GALNT13: variants seen among roughly 807,000 people sequenced by gnomAD.
GALNT13 encodes the protein UDP-GalNAc:polypeptide N-acetylgalactosaminyltransferase 13.
GALNT13 carries 28 observed loss-of-function variants against 64.2 expected under a neutral mutation model. That is an observed-to-expected ratio of 0.44 (90% confidence interval 0.32 to 0.60). The LOEUF (loss-of-function observed/expected upper bound fraction) is 0.60. GALNT13 is among the 20% of genes least tolerant of loss of function. The pLI is 0.05. For missense variants in GALNT13, 577 were observed against 669.8 expected, an observed-to-expected ratio of 0.86 and a Z score of 1.53; for synonymous variants, 214 against 224.6, an observed-to-expected ratio of 0.95 and a Z score of 0.42.
At chr2:153,432,018 T>A in the GALNT13 span, among the ~76,000 whole-genome samples, 2 of 152,220 alleles carry the variant, frequency 1.3e-5, no homozygotes, top group African/African-American at 4.8e-5. Context: ...AACTACTTTT[T>A]CTTCTTGTAT....
At chr2:153,644,812 A>G in the GALNT13 span, among the ~76,000 whole-genome samples, 6 of 152,084 alleles carry the variant, frequency 3.9e-5, no homozygotes, top group South Asian at 6.2e-4. Context: ...GTCCGAGCCA[A>G]TGATAGGACC....
the GALNT13 span, among the ~76,000 whole-genome samples, chr2:153,170,318 T>A: frequency 1.3e-5 from 2 of 152,186 alleles, no homozygotes; most frequent in South Asian, 4.1e-4. Flanking sequence ...TTGTTTTTTT[T>A]AATAACAAAT....
At chr2:153,303,307 T>A in the GALNT13 span, among the ~76,000 whole-genome samples, 2 of 152,210 alleles carry the variant, frequency 1.3e-5, no homozygotes, top group African/African-American at 4.8e-5. Flanking sequence ...TTGGTGTAGC[T>A]ATTACAAATG....
chr2:154,014,831 CTG>C (rs1271613616), intron 3 of GALNT13, among the ~76,000 whole-genome samples: 1 of 151,576 alleles, frequency 6.6e-6, no homozygotes, highest in Non-Finnish European at 1.5e-5. Flanking sequence ...CGGGGTTTCA[CTG>C]TGTTAGCCAG....
intron 2 of GALNT13, among the ~76,000 whole-genome samples, chr2:153,927,753 T>G (rs1690248745): frequency 6.6e-6 from 1 of 152,094 alleles, no homozygotes; most frequent in African/African-American, 2.4e-5. Flanking sequence ...TTAACAACTT[T>G]ACCAGGAAGT....
intron 1 of GALNT13, among the ~76,000 whole-genome samples, chr2:153,893,924 C>T (rs980822565): frequency 2.6e-5 from 4 of 152,052 alleles, no homozygotes; most frequent in African/African-American, 4.8e-5. Context: ...GGCAGCATTT[C>T]TTCAGAAACT....
chr2:154,256,475 G>A (rs186511883), intron 7 of GALNT13, among the ~76,000 whole-genome samples: 1 of 152,170 alleles, frequency 6.6e-6, no homozygotes, highest in Non-Finnish European at 1.5e-5. Flanking sequence ...AAATAGGAGG[G>A]GTTAAAGAGT....
chr2:154,189,502 G>A (rs1306702636), intron 4 of GALNT13, among the ~76,000 whole-genome samples: 3 of 146,312 alleles, frequency 2.1e-5, no homozygotes, highest in South Asian at 2.2e-4. Context: ...AAAGGCGTGT[G>A]AGCATGCAGC....
intron 9 of GALNT13, among the ~76,000 whole-genome samples, chr2:154,332,909 C>A (rs1284724809): frequency 6.6e-6 from 1 of 151,860 alleles, no homozygotes; most frequent in Non-Finnish European, 1.5e-5. Flanking sequence ...CGTAGAAACA[C>A]AAAAAACCCA....
At chr2:154,386,118 C>A (rs777554050) in intron 9 of GALNT13, among the ~76,000 whole-genome samples, 4 of 151,800 alleles carry the variant, frequency 2.6e-5, no homozygotes, top group Non-Finnish European at 2.9e-5. Context: ...AGTCTTAGGT[C>A]CTGCTGGTTG....
chr2:154,014,431 G>T (rs907019907), intron 3 of GALNT13, among the ~76,000 whole-genome samples: 7 of 151,808 alleles, frequency 4.6e-5, no homozygotes, highest in Non-Finnish European at 1.0e-4. Flanking sequence ...CCCCATGCAG[G>T]ATTTCCAGAT....
At chr2:153,815,295 T>C in the GALNT13 span, among the ~76,000 whole-genome samples, 53 of 152,330 alleles carry the variant, frequency 3.5e-4, no homozygotes, top group East Asian at 1.5e-3. Context: ...ACAAAATCTT[T>C]AAATTTTGTT....
chr2:153,730,120 A>C, the GALNT13 span, among the ~76,000 whole-genome samples: 1 of 151,986 alleles, frequency 6.6e-6, no homozygotes, highest in African/African-American at 2.4e-5. Context: ...AGAAAAAAAA[A>C]GTCTGAATCA....
the GALNT13 span, among the ~76,000 whole-genome samples, chr2:153,406,323 TTTTA>T: frequency 1.3e-5 from 2 of 151,792 alleles, no homozygotes; most frequent in African/African-American, 4.9e-5. Context: ...TAAAATCTTA[TTTTA>T]TTTATTTATA....
At chr2:153,632,107 A>G in the GALNT13 span, among the ~76,000 whole-genome samples, 5 of 152,210 alleles carry the variant, frequency 3.3e-5, no homozygotes, top group African/African-American at 9.6e-5. Flanking sequence ...AGTCCCTCTT[A>G]CTGATATGCT....
At chr2:153,203,611 C>G in the GALNT13 span, among the ~76,000 whole-genome samples, 1 of 152,082 alleles carries the variant, frequency 6.6e-6, no homozygotes, top group African/African-American at 2.4e-5. Flanking sequence ...TGTAGGCTAT[C>G]CGGCTCCACA....
At chr2:153,691,199 G>A in the GALNT13 span, among the ~76,000 whole-genome samples, 1 of 152,068 alleles carries the variant, frequency 6.6e-6, no homozygotes. Flanking sequence ...TAATGTTGAG[G>A]CAAGTAAGTC....
the GALNT13 span, among the ~76,000 whole-genome samples, chr2:153,782,103 G>A: frequency 6.6e-6 from 1 of 152,264 alleles, no homozygotes; most frequent in East Asian, 1.9e-4. Context: ...CTAATTCCTA[G>A]TACCTCAGAA....
At chr2:154,438,459 T>G (rs1354394445) in intron 11 of GALNT13, 133 bp from the exon 12 acceptor site, 9 of 576,110 alleles carry the variant, frequency 1.6e-5, no homozygotes, top group Non-Finnish European at 3.0e-6. Flanking sequence ...TGAATTAGCT[T>G]TCTCAAGATA....
Sources: gnomAD v4.1 joint callset for allele counts (sites outside exome capture counted in the v4.1 genomes callset) on GRCh38, gnomAD v4.1.1 for gene constraint, MANE v1.5 for transcripts, NCBI Gene and HGNC (gene_info 2026-07-23, HGNC 2026-07-21) for gene names.